Variants in PRUNE2 observed in about 807,000 individuals in gnomAD.
PRUNE2 encodes the protein prune homolog 2 with BCH domain.
In PRUNE2, 164 loss-of-function variants were observed where a neutral mutation model predicts 252.0. The observed-to-expected ratio is 0.65, with a 90% CI of 0.57 to 0.74. The LOEUF (loss-of-function observed/expected upper bound fraction) is 0.74, where lower values mean the gene tolerates loss of function less well. Ranked by LOEUF, PRUNE2 falls within the 30% of genes least tolerant of loss-of-function variation. The pLI, the probability that PRUNE2 is intolerant of heterozygous loss-of-function variation, is 0.00. For synonymous variants in PRUNE2, 1,292 were observed against 1,350.2 expected, an observed-to-expected ratio of 0.96 and a Z score of 0.94; for missense variants, 3,495 against 3,711.0, an observed-to-expected ratio of 0.94 and a Z score of 1.51.
chr9:76,842,547 A>T (rs1397000501), intron 4 of PRUNE2, among the ~76,000 whole-genome samples: 1 of 152,210 alleles, frequency 6.6e-6, no homozygotes, highest in East Asian at 1.9e-4. Flanking sequence ...TGAACAGGCA[A>T]CCTACAGAGT....
chr9:76,757,041 A>C (rs2051223788), intron 6 of PRUNE2, among the ~76,000 whole-genome samples: 2 of 152,260 alleles, frequency 1.3e-5, no homozygotes, highest in African/African-American at 4.8e-5. Context: ...ATCAAATTCA[A>C]ACAGGCCATC....
chr9:76,893,112 G>A (rs2062587528), intron 1 of PRUNE2, among the ~76,000 whole-genome samples: 1 of 152,214 alleles, frequency 6.6e-6, no homozygotes, highest in Admixed American at 6.5e-5. Flanking sequence ...AGGCTTGGTG[G>A]CACATGCCTG....
intron 17 of PRUNE2, among the ~76,000 whole-genome samples, chr9:76,623,386 C>A (rs1833227935): frequency 1.3e-5 from 2 of 151,880 alleles, no homozygotes; most frequent in African/African-American, 4.8e-5. Context: ...TCTCCGCCTC[C>A]CAGGTTCAAA....
intron 6 of PRUNE2, among the ~76,000 whole-genome samples, chr9:76,722,183 T>A (rs56679509): frequency 6.6e-6 from 1 of 151,758 alleles, no homozygotes; most frequent in African/African-American, 2.4e-5. Flanking sequence ...CTCAGTCTCC[T>A]GAGTAGCTGG....
chr9:76,633,723 G>C (rs1423293194), intron 15 of PRUNE2, among the ~76,000 whole-genome samples: 3 of 152,146 alleles, frequency 2.0e-5, no homozygotes, highest in African/African-American at 7.2e-5. Context: ...TTTACTAGTT[G>C]AATCTTTATA....
intron 6 of PRUNE2, among the ~76,000 whole-genome samples, chr9:76,724,715 CAAAT>C (rs1465348969): frequency 6.6e-6 from 1 of 152,212 alleles, no homozygotes; most frequent in South Asian, 2.1e-4. Context: ...CAATCAAAGA[CAAAT>C]AAGTCATCAC....
intron 9 of PRUNE2, among the ~76,000 whole-genome samples, chr9:76,670,366 C>T (rs1261027205): frequency 1.3e-5 from 2 of 152,040 alleles, no homozygotes; most frequent in Non-Finnish European, 2.9e-5. Flanking sequence ...CGGCACACCA[C>T]GAGATTATAT....
intron 4 of PRUNE2, among the ~76,000 whole-genome samples, chr9:76,845,640 C>A (rs1029735262): frequency 6.6e-6 from 1 of 152,194 alleles, no homozygotes; most frequent in Admixed American, 6.5e-5. Flanking sequence ...AGGACAGAGT[C>A]CTTAAAAGAG....
chr9:76,753,193 C>G (rs750346600), intron 6 of PRUNE2, among the ~76,000 whole-genome samples: 1 of 151,902 alleles, frequency 6.6e-6, no homozygotes, highest in Non-Finnish European at 1.5e-5. Context: ...CCATGCCTGG[C>G]TAATTTTTGT....
chr9:76,822,816 GA>G (rs60999078), intron 6 of PRUNE2, among the ~76,000 whole-genome samples: 42,777 of 146,636 alleles, frequency 0.29, 6,200 homozygotes, highest in Middle Eastern at 0.4. Flanking sequence ...CAAAGAAAAA[GA>G]AAAAAAAAAG....
intron 1 of PRUNE2, among the ~76,000 whole-genome samples, chr9:76,873,599 C>T (rs1356182958): frequency 1.3e-5 from 2 of 152,138 alleles, no homozygotes; most frequent in African/African-American, 2.4e-5. Context: ...CTCCCAACAG[C>T]GCGTCTTCCT....
intron 9 of PRUNE2, among the ~76,000 whole-genome samples, chr9:76,658,226 C>T (rs1350280982): frequency 3.9e-5 from 6 of 152,122 alleles, no homozygotes; most frequent in Middle Eastern, 3.2e-3. Context: ...GGTGTGGTGG[C>T]GCATGCCTGT....
chr9:76,710,195 G>A lies in PRUNE2; in HGVS notation c.2079C>T (p.Ser693=), dbSNP rs1253172863. The change falls in exon 8 of 19, where the codon TCC becomes TCT. Residue 693 remains serine, a synonymous_variant. Coordinates refer to ENST00000376718, the MANE Select transcript of PRUNE2 (RefSeq NM_015225.3). The part of the protein sequence containing the change: ...PESWKEHKPS[S]IDRRASDSVF... ...CAGAATCTGAGGCTCTCCTATCAATGGAGCTTGGCTTATGCTCTTTCCATG... is the reference window on the plus strand; with the variant it reads ...CAGAATCTGAGGCTCTCCTATCAATAGAGCTTGGCTTATGCTCTTTCCATG... The A allele has an allele frequency of 6.2e-7, 1 of 1,613,768 alleles. No individual in the cohort carries two copies. The highest frequency in any genetic ancestry group is 8.5e-7 in the Non-Finnish European group (1 of 1,179,860).
chr9:76,892,132 T>TA (rs1395811027), intron 1 of PRUNE2, among the ~76,000 whole-genome samples: 3 of 152,206 alleles, frequency 2.0e-5, no homozygotes, highest in Admixed American at 6.5e-5. Flanking sequence ...CAGTTTCTGT[T>TA]ACGCTTGTCT....
intron 4 of PRUNE2, among the ~76,000 whole-genome samples, chr9:76,831,872 A>G (rs2058692562): frequency 6.6e-6 from 1 of 152,184 alleles, no homozygotes; most frequent in African/African-American, 2.4e-5. Context: ...TGCTTACCAG[A>G]GCACACCTTA....
At chr9:76,761,946 A>C (rs2051771616) in intron 6 of PRUNE2, among the ~76,000 whole-genome samples, 1 of 152,182 alleles carries the variant, frequency 6.6e-6, no homozygotes, top group African/African-American at 2.4e-5. Flanking sequence ...GCTATATCAT[A>C]TTATGTATCA....
intron 4 of PRUNE2, among the ~76,000 whole-genome samples, chr9:76,833,493 T>C (rs553002969): frequency 6.6e-5 from 10 of 152,204 alleles, no homozygotes; most frequent in Non-Finnish European, 1.0e-4. Context: ...AGGCCGGGCG[T>C]GGTGGCTCAT....
intron 9 of PRUNE2, among the ~76,000 whole-genome samples, chr9:76,696,143 C>T (rs1321870980): frequency 6.6e-6 from 1 of 152,178 alleles, no homozygotes; most frequent in East Asian, 1.9e-4. Context: ...TGGTTCAGAA[C>T]CGGCAGCTTG....
chr9:76,842,725 A>G (rs923809075), intron 4 of PRUNE2, among the ~76,000 whole-genome samples: 2 of 152,224 alleles, frequency 1.3e-5, no homozygotes, highest in Non-Finnish European at 2.9e-5. Context: ...TATGGAAAAA[A>G]AGCTCATCAT....
Sources: allele counts gnomAD v4.1 joint callset (sites outside exome capture counted in the v4.1 genomes callset), GRCh38; gene constraint gnomAD v4.1.1; transcripts MANE v1.5; gene names NCBI Gene and HGNC (gene_info 2026-07-23, HGNC 2026-07-21).